The following USP24 variants were observed in gnomAD, a reference collection of about 807,000 sequenced individuals.
USP24 encodes ubiquitin specific peptidase 24.
Under a neutral mutation model 361.6 loss-of-function variants are expected in USP24, and 97 were observed. That is an observed-to-expected ratio of 0.27 (90% CI 0.23 to 0.32). USP24 has a LOEUF of 0.32. USP24 is among the 10% of genes least tolerant of loss of function. USP24 has a pLI of 1.00. For missense variants in USP24, 2,353 were observed against 3,165.6 expected, an observed-to-expected ratio of 0.74 and a Z score of 6.16; for synonymous variants, 1,098 against 1,124.6, an observed-to-expected ratio of 0.98 and a Z score of 0.47.
chr1:55,214,722 G>A, intron 1 of USP24, 68 bp downstream of exon 1: 1 of 1,114,664 alleles, frequency 9.0e-7, no homozygotes, highest in Non-Finnish European at 1.1e-6. Context: ...AGCCCAGCGG[G>A]GTGTGTCCCC....
At chr1:55,083,748 G>T (rs755727668) in intron 57 of USP24, 24 bp downstream of exon 57, 10 of 1,523,240 alleles carry the variant, frequency 6.6e-6, no homozygotes, top group Admixed American at 2.1e-5. Context: ...ATTAGGAAAA[G>T]ATATTAGGAA....
chr1:55,072,687 T>C (rs1226489276), intron 65 of USP24, 99 bp downstream of exon 65: 4 of 1,191,108 alleles, frequency 3.4e-6, no homozygotes, highest in Admixed American at 2.7e-5. Context: ...GAAAACACTT[T>C]AAGGTCAGTC....
At chr1:55,193,319 T>C (rs895684274) in intron 1 of USP24, among the ~76,000 whole-genome samples, 3 of 152,110 alleles carry the variant, frequency 2.0e-5, no homozygotes, top group Non-Finnish European at 4.4e-5. Flanking sequence ...CAGATTTTGG[T>C]ATCCCCAAGG....
At chr1:55,169,834 A>G (rs1381071813) in intron 5 of USP24, among the ~76,000 whole-genome samples, 1 of 152,180 alleles carries the variant, frequency 6.6e-6, no homozygotes, top group African/African-American at 2.4e-5. Context: ...TGCACTATCA[A>G]CTTTACCGGG....
At chr1:55,198,263 T>C (rs1403513495) in intron 1 of USP24, among the ~76,000 whole-genome samples, 1 of 152,192 alleles carries the variant, frequency 6.6e-6, no homozygotes, top group African/African-American at 2.4e-5. Context: ...ATTACAGGCG[T>C]GTGCCACCAT....
At chr1:55,072,894 T>G in intron 64 of USP24, 33 bp from the exon 65 acceptor site, 1 of 1,571,736 alleles carries the variant, frequency 6.4e-7, no homozygotes, top group South Asian at 1.2e-5. Context: ...TTAGCCAAAT[T>G]CTTTCTTTGC....
At chr1:55,205,831 C>T (rs1644689346) in intron 1 of USP24, among the ~76,000 whole-genome samples, 1 of 152,092 alleles carries the variant, frequency 6.6e-6, no homozygotes, top group Non-Finnish European at 1.5e-5. Context: ...CCCAAAATAA[C>T]AATATTAATA....
intron 8 of USP24, among the ~76,000 whole-genome samples, chr1:55,161,591 T>A (rs1407514502): frequency 6.6e-6 from 1 of 152,182 alleles, no homozygotes; most frequent in African/African-American, 2.4e-5. Flanking sequence ...TCCACAGACT[T>A]ATTTATAAAA....
At chr1:55,093,694 G>A in intron 52 of USP24, 1 of 393,414 alleles carries the variant, frequency 2.5e-6, no homozygotes, top group Non-Finnish European at 4.6e-6. Flanking sequence ...CACACTCACA[G>A]AGCAGGTCAG....
intron 15 of USP24, 61 bp from the exon 16 acceptor site, chr1:55,153,978 C>T (rs753915915): frequency 2.4e-5 from 37 of 1,538,858 alleles, no homozygotes; most frequent in East Asian, 9.6e-5. Flanking sequence ...TATAATTTCC[C>T]GATCTTGGAC....
chr1:55,080,323 A>C (rs1426535784), intron 59 of USP24, among the ~76,000 whole-genome samples: 4 of 152,190 alleles, frequency 2.6e-5, no homozygotes, highest in Admixed American at 6.5e-5. Context: ...GTGTTCCTCC[A>C]ATGTCCCTTT....
At chr1:55,140,342 T>C (rs1020000147) in intron 24 of USP24, among the ~76,000 whole-genome samples, 5 of 152,182 alleles carry the variant, frequency 3.3e-5, no homozygotes, top group Non-Finnish European at 5.9e-5. Flanking sequence ...AACTGAGTCA[T>C]AGAGATGGCT....
At chr1:55,204,667 A>AT (rs1251624895) in intron 1 of USP24, among the ~76,000 whole-genome samples, 10 of 152,218 alleles carry the variant, frequency 6.6e-5, no homozygotes, top group Non-Finnish European at 1.0e-4. Context: ...GACTTGTGGC[A>AT]TAAGAAATCA....
intron 2 of USP24, among the ~76,000 whole-genome samples, chr1:55,177,528 C>T (rs2100822914): frequency 6.6e-6 from 1 of 151,732 alleles, no homozygotes; most frequent in East Asian, 1.9e-4. Flanking sequence ...TTTTTTAGTA[C>T]AGGTGTTCAT....
chr1:55,108,524 G>A (rs1645856241), intron 39 of USP24, among the ~76,000 whole-genome samples: 1 of 152,188 alleles, frequency 6.6e-6, no homozygotes, highest in East Asian at 1.9e-4. Context: ...CACCTACACT[G>A]CAGGGTGCTG....
At chr1:55,145,892 T>C in intron 20 of USP24, 106 bp downstream of exon 20, 1 of 759,480 alleles carries the variant, frequency 1.3e-6, no homozygotes, top group Admixed American at 2.6e-5. Context: ...TAGAAGGATA[T>C]TCCTAACTGT....
At chr1:55,168,540 T>C (rs1471476422) in intron 5 of USP24, among the ~76,000 whole-genome samples, 1 of 152,062 alleles carries the variant, frequency 6.6e-6, no homozygotes, top group Non-Finnish European at 1.5e-5. Flanking sequence ...CTGGTGACCG[T>C]AAGTGTCCAT....
intron 1 of USP24, among the ~76,000 whole-genome samples, chr1:55,206,012 G>T (rs1208714465): frequency 6.6e-6 from 1 of 152,100 alleles, no homozygotes; most frequent in Non-Finnish European, 1.5e-5. Context: ...TTTCAGAAAG[G>T]AAAACTGACT....
intron 17 of USP24, among the ~76,000 whole-genome samples, 195 bp downstream of exon 17, chr1:55,148,265 AAGG>A (rs1647087170): frequency 7.0e-6 from 1 of 141,922 alleles, no homozygotes; most frequent in Non-Finnish European, 1.5e-5. Context: ...AAAATGAGTT[AAGG>A]AGATTAAAAA....
Sources: gnomAD v4.1 joint callset for allele counts (sites outside exome capture counted in the v4.1 genomes callset) on GRCh38, gnomAD v4.1.1 for gene constraint, MANE v1.5 for transcripts, NCBI Gene and HGNC (gene_info 2026-07-23, HGNC 2026-07-21) for gene names.